SLC2A7: variants seen among roughly 807,000 people sequenced by gnomAD.
SLC2A7 encodes solute carrier family 2 member 7.
Under a neutral mutation model 50.5 loss-of-function variants are expected in SLC2A7, and 50 were observed. That is an observed-to-expected ratio of 0.99 (90% CI 0.79 to 1.25). The LOEUF (loss-of-function observed/expected upper bound fraction) is 1.25, where lower values mean the gene tolerates loss of function less well. Among genes scored for constraint, SLC2A7 ranks in the 50% most tolerant of loss-of-function variants. The pLI is 0.00. For synonymous variants in SLC2A7, 308 were observed against 300.4 expected, an observed-to-expected ratio of 1.03 and a Z score of -0.26; for missense variants, 683 against 679.1, an observed-to-expected ratio of 1.01 and a Z score of -0.06.
At chr1:9,016,103 G>A (rs1047989297) in intron 5 of SLC2A7, among the ~76,000 whole-genome samples, 1 of 152,116 alleles carries the variant, frequency 6.6e-6, no homozygotes, top group African/African-American at 2.4e-5. Context: ...CGTCATGCAC[G>A]GTGGATTCCC....
At chr1:8,992,545 C>CT in the SLC2A7 span, among the ~76,000 whole-genome samples, 7 of 151,654 alleles carry the variant, frequency 4.6e-5, no homozygotes, top group African/African-American at 1.7e-4. Context: ...TTCTTTCTTT[C>CT]TTTTTTGTGC....
the SLC2A7 span, among the ~76,000 whole-genome samples, chr1:8,994,195 A>C: frequency 1.3e-5 from 2 of 152,314 alleles, no homozygotes; most frequent in South Asian, 4.1e-4. Context: ...GGGCTGACCT[A>C]AGGGAATGCC....
In SLC2A7 at chr1:9,013,525, C is replaced by A. The variant is rs774580070; in HGVS notation, c.1014G>T (p.Ser338=). ...GGAAGGATGCCTCCTGCTCACTCACCGAGGTGATGGTCATCACTATGTTGA... is the reference window on the plus strand; with the variant it reads ...GGAAGGATGCCTCCTGCTCACTCACAGAGGTGATGGTCATCACTATGTTGA... ...GVVNIVMTIT[S]AVLVERLGRR... is the part of the protein sequence containing the mutation. Residue 338 remains serine (S), a splice_region_variant and synonymous_variant, in exon 8 of 12, where the codon TCG becomes TCT. Transcript: ENST00000400906. 2 of 1,612,792 alleles carry A rather than the reference C, an allele frequency of 1.2e-6. No homozygotes were observed. Among genetic ancestry groups the A allele is most frequent in the East Asian group, 2.2e-5 (1 of 44,852 alleles).
the SLC2A7 span, among the ~76,000 whole-genome samples, chr1:8,993,083 T>G: frequency 5.8e-4 from 89 of 152,294 alleles, no homozygotes; most frequent in Non-Finnish European, 1.1e-3. Flanking sequence ...GACTCACAGT[T>G]CCATGTGGCT....
the SLC2A7 span, among the ~76,000 whole-genome samples, chr1:8,996,644 G>A: frequency 9.2e-5 from 14 of 152,220 alleles, no homozygotes; most frequent in Non-Finnish European, 1.5e-4. Flanking sequence ...TCTACCAGCC[G>A]TGGACCCGCG....
intron 1 of SLC2A7, 32 bp downstream of exon 1, chr1:9,026,263 G>T: frequency 1.2e-6 from 2 of 1,603,718 alleles, no homozygotes; most frequent in South Asian, 1.1e-5. Flanking sequence ...GTGGGAGAGG[G>T]ACAGTGACAG....
At chr1:9,004,516 G>A (rs566584444) in intron 11 of SLC2A7, among the ~76,000 whole-genome samples, 1 of 151,594 alleles carries the variant, frequency 6.6e-6, no homozygotes, top group African/African-American at 2.4e-5. Flanking sequence ...CCGCGGACCA[G>A]AGCCCCTAAG....
intron 3 of SLC2A7, among the ~76,000 whole-genome samples, chr1:9,020,553 C>A (rs561495061): frequency 1.4e-5 from 2 of 141,330 alleles, no homozygotes; most frequent in East Asian, 4.9e-4. Context: ...CTCCTGTGCC[C>A]CCCCCCACCC....
At chr1:9,009,401 T>G (rs1640708293) in intron 9 of SLC2A7, among the ~76,000 whole-genome samples, 1 of 152,216 alleles carries the variant, frequency 6.6e-6, no homozygotes, top group Non-Finnish European at 1.5e-5. Context: ...AATGATGTAC[T>G]TCTTGTTTGG....
chr1:9,023,835 C>CTTTTTTTTTTTTTTTTTTTTTTTTTT (rs1557653846), intron 2 of SLC2A7, among the ~76,000 whole-genome samples: 2 of 65,998 alleles, frequency 3.0e-5, no homozygotes, highest in Non-Finnish European at 5.8e-5. Flanking sequence ...AAATATTCTT[C>CTTTTTTTTTTTTTTTTTTTTTTTTTT]TTCTTTTTTT....
intron 5 of SLC2A7, among the ~76,000 whole-genome samples, chr1:9,016,965 C>CT (rs1228689105): frequency 6.6e-6 from 1 of 152,130 alleles, no homozygotes; most frequent in Non-Finnish European, 1.5e-5. Context: ...CCCACTCCCC[C>CT]CGAGGCTAAC....
At chr1:9,018,075 C>T in intron 5 of SLC2A7, 148 bp downstream of exon 5, 1 of 1,071,710 alleles carries the variant, frequency 9.3e-7, no homozygotes, top group Non-Finnish European at 1.3e-6. Context: ...CAGCCCCGAC[C>T]ACGTCACCCA....
the SLC2A7 span, among the ~76,000 whole-genome samples, chr1:8,994,523 C>T: frequency 1.3e-5 from 2 of 152,084 alleles, no homozygotes; most frequent in African/African-American, 4.8e-5. Flanking sequence ...GGAATGAAAC[C>T]CGATAAACAA....
chr1:9,022,220 T>C (rs559118439), intron 3 of SLC2A7, among the ~76,000 whole-genome samples: 24 of 152,356 alleles, frequency 1.6e-4, no homozygotes, highest in Admixed American at 1.3e-3. Context: ...TGGCACACCA[T>C]GCCCAAGTGT....
downstream of SLC2A7, among the ~76,000 whole-genome samples, chr1:8,999,159 T>C (rs1485698698): frequency 2.0e-5 from 3 of 152,164 alleles, no homozygotes; most frequent in South Asian, 2.1e-4. Flanking sequence ...TATTTCTTTT[T>C]TGTTTTTTTG....
At chr1:9,015,309 CG>C (rs1640814980) in intron 5 of SLC2A7, 67 bp from the exon 6 acceptor site, 1 of 1,481,754 alleles carries the variant, frequency 6.7e-7, no homozygotes. Context: ...CCACTGTGCT[CG>C]GAAGGTCACG....
intron 1 of SLC2A7, among the ~76,000 whole-genome samples, chr1:9,026,054 G>A (rs962084346): frequency 5.9e-5 from 9 of 152,200 alleles, no homozygotes; most frequent in Non-Finnish European, 1.3e-4. Context: ...AAGGGAGAGA[G>A]GCATCTCCAG....
chr1:9,009,265 G>C (rs1640705498), intron 9 of SLC2A7, among the ~76,000 whole-genome samples: 1 of 152,226 alleles, frequency 6.6e-6, no homozygotes, highest in Admixed American at 6.5e-5. Context: ...CAACAGCAAA[G>C]AGGCTGCCTC....
intron 10 of SLC2A7, 29 bp from the exon 11 acceptor site, chr1:9,004,908 G>A (rs368648795): frequency 1.6e-5 from 26 of 1,605,618 alleles, no homozygotes; most frequent in South Asian, 7.7e-5. Context: ...TGGGTGGGGC[G>A]GAGAAGGACC....
Sources: gnomAD v4.1 joint callset for allele counts (sites outside exome capture counted in the v4.1 genomes callset) on GRCh38, gnomAD v4.1.1 for gene constraint, MANE v1.5 for transcripts, NCBI Gene and HGNC (gene_info 2026-07-23, HGNC 2026-07-21) for gene names.